BPIFA2: variants seen among roughly 807,000 people sequenced by gnomAD.
BPIFA2 encodes the protein BPI fold containing family A member 2, also known as BPI fold-containing family A member 2.
A neutral mutation model predicts 25.7 loss-of-function variants in BPIFA2; 20 were observed. That is an observed-to-expected ratio of 0.78 (90% CI 0.55 to 1.13). The LOEUF (loss-of-function observed/expected upper bound fraction) is 1.13, where lower values mean the gene tolerates loss of function less well. BPIFA2 is among the 50% of genes most tolerant of loss of function. The pLI is 0.00. For synonymous variants in BPIFA2, 126 were observed against 124.3 expected (o/e 1.01, Z -0.09); for missense variants, 300 against 298.1 (o/e 1.01, Z -0.05).
intron 1 of BPIFA2, among the ~76,000 whole-genome samples, chr20:33,162,529 G>A (rs1983611723): frequency 6.6e-6 from 1 of 152,188 alleles, no homozygotes; most frequent in African/African-American, 2.4e-5. Flanking sequence ...GCTGGGCACA[G>A]CACTTCTGAG....
chr20:33,163,309 C>T (rs1983631422), upstream of BPIFA2, among the ~76,000 whole-genome samples: 1 of 152,226 alleles, frequency 6.6e-6, no homozygotes, highest in Non-Finnish European at 1.5e-5. Context: ...AGCCAGGCCC[C>T]AGGCTGGCTG....
chr20:33,175,308 A>G, intron 4 of BPIFA2, 99 bp from the exon 5 acceptor site: 2 of 1,209,276 alleles, frequency 1.7e-6, no homozygotes, highest in South Asian at 2.9e-5. Context: ...GACATTACAC[A>G]TAGACATTCT....
At chr20:33,175,250 A>G (rs986242502) in intron 4 of BPIFA2, among the ~76,000 whole-genome samples, 157 bp from the exon 5 acceptor site, 1 of 152,234 alleles carries the variant, frequency 6.6e-6, no homozygotes, top group Admixed American at 6.5e-5. Flanking sequence ...ATAAACATGT[A>G]AATCTCATAG....
chr20:33,176,021 A>G (rs1984065118), intron 5 of BPIFA2, among the ~76,000 whole-genome samples: 3 of 152,076 alleles, frequency 2.0e-5, no homozygotes, highest in South Asian at 4.1e-4. Context: ...GACTTCTTGG[A>G]GAATTGTCCA....
Position 33,177,418 on chromosome 20 carries a change from T to C in BPIFA2, c.564-729T>C, listed in dbSNP as rs545148531. On this transcript the variant is annotated intron_variant, in intron 5 of 8. Transcript: ENST00000354932. ...GCCAGGCAGGCACCATTCTGGGCTCTGGAGAACTGATTGGTGATGACAGAC... is the reference window on the plus strand; with the variant it reads ...GCCAGGCAGGCACCATTCTGGGCTCCGGAGAACTGATTGGTGATGACAGAC... Among the ~76,000 whole-genome samples the C allele has an allele frequency of 3.9e-5, 6 of 152,010 alleles. No individual in the cohort carries two copies. In the East Asian group the frequency reaches 9.7e-4, roughly 25 times the overall value.
At chr20:33,175,341 G>A in intron 4 of BPIFA2, 66 bp from the exon 5 acceptor site, 3 of 1,500,486 alleles carry the variant, frequency 2.0e-6, no homozygotes, top group Non-Finnish European at 2.7e-6. Context: ...CACAGGTGGA[G>A]GAACCCAACT....
intron 6 of BPIFA2, among the ~76,000 whole-genome samples, chr20:33,178,823 A>C (rs908267496): frequency 1.3e-5 from 2 of 152,188 alleles, no homozygotes; most frequent in African/African-American, 4.8e-5. Flanking sequence ...ATCCTCCACC[A>C]GCTTCAGCCT....
At chr20:33,164,028 C>CCAGA (rs1447219266), upstream of BPIFA2, among the ~76,000 whole-genome samples, 1 of 152,068 alleles carries the variant, frequency 6.6e-6, no homozygotes, top group East Asian at 1.9e-4. Flanking sequence ...TGCCTTCTTG[C>CCAGA]CAGACATGGG....
In BPIFA2 at chr20:33,175,482, C is replaced by A; in HGVS notation, c.486C>A (p.Pro162=). ...LLTAVTIETD[P]QTHQPVAVLG... is the part of the protein sequence containing the mutation. The stretch of plus-strand genomic sequence containing the variant: ...CCGCAGTCACAATTGAAACTGATCC[C>A]CAGACACACCAGCCTGTTGCCGTCC... The change falls in exon 5 of 9, where the codon CCC becomes CCA. Residue 162 remains proline (P), a synonymous_variant. Coordinates refer to ENST00000354932, the MANE Select transcript of BPIFA2 (RefSeq NM_080574.4). The A allele has an allele frequency of 6.2e-7, 1 of 1,614,140 alleles. No individual in the cohort carries two copies.
upstream of BPIFA2, among the ~76,000 whole-genome samples, chr20:33,165,772 GCCTTTGTC>G (rs1227075415): frequency 6.6e-6 from 1 of 152,162 alleles, no homozygotes; most frequent in Non-Finnish European, 1.5e-5. Flanking sequence ...CATGGCTGGG[GCCTTTGTC>G]CCTAAGAGGC....
Position 33,179,786 on chromosome 20 carries a change from T to C in BPIFA2, c.709+119T>C, listed in dbSNP as rs1984211497. The C allele has an allele frequency of 3.8e-6, 4 of 1,045,744 alleles. No individual in the cohort carries two copies. The South Asian group carries it at 4.0e-5, about 11-fold the overall frequency. The allele number at this position is 1,045,744 out of a possible 1,614,324, so 64.8% of individuals were successfully genotyped here. A position where few individuals can be genotyped will look rare whatever the true frequency, so the allele number is the denominator to read the frequency against. On this transcript the variant is annotated intron_variant, in intron 7 of 8. Coordinates refer to ENST00000354932, the MANE Select transcript of BPIFA2 (RefSeq NM_080574.4). ...AGAAGGACCCACTGTCCTAAGCAAA[T>C]TGGGAGCCATGGCTTCCCCTCCACA...
intron 6 of BPIFA2, among the ~76,000 whole-genome samples, chr20:33,179,033 T>G (rs914265430): frequency 6.6e-6 from 1 of 152,152 alleles, no homozygotes; most frequent in African/African-American, 2.4e-5. Flanking sequence ...CAATCTAGAA[T>G]GTAGATTTTT....
chr20:33,170,027 T>A (rs1371749900), intron 2 of BPIFA2, among the ~76,000 whole-genome samples: 1 of 152,226 alleles, frequency 6.6e-6, no homozygotes, highest in African/African-American at 2.4e-5. Flanking sequence ...AGGAGGTAAC[T>A]TCTGCAAATG....
intron 3 of BPIFA2, among the ~76,000 whole-genome samples, chr20:33,173,292 T>A (rs10485501): frequency 6.6e-6 from 1 of 152,158 alleles, no homozygotes; most frequent in African/African-American, 2.4e-5. Flanking sequence ...GGGCTTCCGC[T>A]TTCTTTAATT....
In BPIFA2 at chr20:33,181,205, C is replaced by T. The variant is rs1377850805; in HGVS notation, c.*38-19C>T. 6.6e-6 allele frequency: 1 copy of T among 152,304 alleles called. No individual in the cohort carries two copies. The highest frequency in any genetic ancestry group is 2.4e-5 in the African/African-American group (1 of 41,432). 9.4% of individuals were successfully genotyped at this position (152,304 alleles called of 1,614,324 possible). On this transcript the variant is annotated intron_variant, in intron 8 of 8. Coordinates refer to ENST00000354932, the MANE Select transcript of BPIFA2 (RefSeq NM_080574.4). ...GCAGCCTAGCAGCAAATGTCCTAAC[C>T]CCCTTGGTCTCATTCCAGATTGGTT...
At chr20:33,169,323 A>G (rs763489924) in intron 2 of BPIFA2, 21 bp downstream of exon 2, 16 of 1,611,318 alleles carry the variant, frequency 9.9e-6, no homozygotes, top group Admixed American at 1.7e-5. Context: ...AAGGGTGATG[A>G]ACAGTGTCAC....
chr20:33,162,106 G>A (rs1042067560), intron 1 of BPIFA2, among the ~76,000 whole-genome samples: 2 of 151,994 alleles, frequency 1.3e-5, no homozygotes, highest in South Asian at 2.1e-4. Context: ...TCAGCCTCCC[G>A]AGTAGCTGGG....
At chr20:33,172,844 C>G in intron 2 of BPIFA2, 88 bp from the exon 3 acceptor site, 5 of 1,380,494 alleles carry the variant, frequency 3.6e-6, no homozygotes, top group Non-Finnish European at 4.9e-6. Flanking sequence ...AATGAAATAA[C>G]ATAGGCAAAC....
Position 33,175,181 on chromosome 20 carries a change from T to TG in BPIFA2, c.411-225dup, listed in dbSNP as rs1984031322. The stretch of plus-strand genomic sequence containing the variant: ...ATTATTATTTTACTTATTAGTGTAA[T>TG]GTTGTATAAAAAATTCATATGAGCT... On this transcript the variant is annotated intron_variant, in intron 4 of 8. Transcript: ENST00000354932. Among the ~76,000 whole-genome samples the TG allele has an allele frequency of 2.6e-5, 4 of 152,202 alleles. No individual in the cohort carries two copies. The South Asian group carries it at 8.3e-4, about 32-fold the overall frequency.
Sources: allele counts gnomAD v4.1 joint callset (sites outside exome capture counted in the v4.1 genomes callset), GRCh38; gene constraint gnomAD v4.1.1; transcripts MANE v1.5; gene names NCBI Gene and HGNC (gene_info 2026-07-23, HGNC 2026-07-21).